Variants in TMTC2 observed in about 807,000 individuals in gnomAD.
TMTC2 encodes transmembrane O-mannosyltransferase targeting cadherins 2.
In TMTC2, 43 loss-of-function variants were observed where a neutral mutation model predicts 82.4. That is an observed-to-expected ratio of 0.52 (90% CI 0.41 to 0.67). TMTC2 has a LOEUF of 0.67. Among genes scored for constraint, TMTC2 ranks in the 30% least tolerant of loss-of-function variants. The pLI is 0.00. For missense variants in TMTC2, 919 were observed against 1,012.4 expected (o/e 0.91, Z 1.25); for synonymous variants, 408 against 381.9 (o/e 1.07, Z -0.80).
chr12:82,807,737 G>A (rs1479613784), intron 1 of TMTC2, among the ~76,000 whole-genome samples: 1 of 152,054 alleles, frequency 6.6e-6, no homozygotes, highest in Non-Finnish European at 1.5e-5. Flanking sequence ...TTCTGGGATA[G>A]CATAAGTAGA....
At chr12:83,029,607 T>C (rs144513050) in intron 8 of TMTC2, among the ~76,000 whole-genome samples, 4,032 of 152,260 alleles carry the variant, frequency 0.026, 82 homozygotes, top group Non-Finnish European at 0.039. Context: ...TACCATGGTC[T>C]GTGGCTTTGG....
At chr12:82,701,573 G>T in intron 1 of TMTC2, among the ~76,000 whole-genome samples, 1 of 136,574 alleles carries the variant, frequency 7.3e-6, no homozygotes, top group Admixed American at 7.9e-5. Flanking sequence ...CCAACATGGA[G>T]AAACCCCGTC....
chr12:82,998,716 C>T (rs1879784635), intron 8 of TMTC2, among the ~76,000 whole-genome samples: 1 of 151,862 alleles, frequency 6.6e-6, no homozygotes, highest in African/African-American at 2.4e-5. Flanking sequence ...ATGCTCTCAC[C>T]CTCCACATTT....
At chr12:82,750,651 T>G (rs904864194) in intron 1 of TMTC2, among the ~76,000 whole-genome samples, 1 of 152,172 alleles carries the variant, frequency 6.6e-6, no homozygotes, top group Admixed American at 6.5e-5. Flanking sequence ...TGAGATATTA[T>G]TATTAATCCT....
At chr12:82,931,933 C>T (rs1484385820) in intron 4 of TMTC2, among the ~76,000 whole-genome samples, 1 of 152,048 alleles carries the variant, frequency 6.6e-6, no homozygotes, top group Non-Finnish European at 1.5e-5. Context: ...CTTCCATTGA[C>T]AGCACCTCCA....
At chr12:83,070,987 TA>T (rs1267682112) in intron 11 of TMTC2, among the ~76,000 whole-genome samples, 1 of 152,212 alleles carries the variant, frequency 6.6e-6, no homozygotes, top group East Asian at 1.9e-4. Flanking sequence ...TGTGGTGTAT[TA>T]CATTTATTGA....
chr12:82,875,010 A>G (rs1872407905), intron 2 of TMTC2, among the ~76,000 whole-genome samples: 1 of 152,158 alleles, frequency 6.6e-6, no homozygotes, highest in Admixed American at 6.6e-5. Context: ...TTCTCTGTAA[A>G]GGCCAGATAG....
At chr12:82,948,361 C>T (rs1020828145) in intron 4 of TMTC2, among the ~76,000 whole-genome samples, 5 of 98,990 alleles carry the variant, frequency 5.1e-5, no homozygotes, top group African/African-American at 2.1e-4. Flanking sequence ...GGAAACCCTA[C>T]CTTAATTTAA....
At chr12:82,885,465 G>C (rs1873047826) in intron 2 of TMTC2, among the ~76,000 whole-genome samples, 1 of 151,486 alleles carries the variant, frequency 6.6e-6, no homozygotes, top group African/African-American at 2.4e-5. Context: ...GATTTCCTGG[G>C]CTCAAGCAAT....
At chr12:82,811,734 C>A (rs1565760745) in intron 1 of TMTC2, among the ~76,000 whole-genome samples, 1 of 150,990 alleles carries the variant, frequency 6.6e-6, no homozygotes, top group Non-Finnish European at 1.5e-5. Flanking sequence ...ATATTAGATC[C>A]CTGCTTATAG....
At position 82,687,481 on chromosome 12, in the gene TMTC2, A is replaced by G; in HGVS notation, c.-106A>G. 2 of 1,092,680 alleles carry G rather than the reference A, an allele frequency of 1.8e-6. No homozygotes were observed. Among genetic ancestry groups the G allele is most frequent in the Non-Finnish European group, 2.7e-6 (2 of 746,540 alleles). The allele number at this position is 1,092,680 out of a possible 1,614,324, so 67.7% of individuals were successfully genotyped here. A position where few individuals can be genotyped will look rare whatever the true frequency, so the allele number is the denominator to read the frequency against. On this transcript the variant is annotated 5_prime_UTR_variant, in exon 1 of 12. Transcript: ENST00000321196. Reference sequence around the variant, plus strand: ...AGGGTGGGGAAGCGAGGGAAAAGTGAAGCTGGGAGGAGAAGGCGGCGGAAG... The same window carrying G: ...AGGGTGGGGAAGCGAGGGAAAAGTGGAGCTGGGAGGAGAAGGCGGCGGAAG...
intron 8 of TMTC2, among the ~76,000 whole-genome samples, chr12:83,028,198 G>A (rs997107480): frequency 7.2e-5 from 11 of 151,998 alleles, no homozygotes; most frequent in Non-Finnish European, 1.5e-4. Flanking sequence ...ATGTGTGTGT[G>A]TATATACATA....
intron 8 of TMTC2, among the ~76,000 whole-genome samples, chr12:83,000,395 A>G (rs571565859): frequency 3.3e-5 from 5 of 152,110 alleles, no homozygotes; most frequent in Non-Finnish European, 5.9e-5. Flanking sequence ...CAGCCTCCCA[A>G]AGTGCTGGGA....
chr12:83,014,239 C>T lies in TMTC2; in HGVS notation c.2071-16559C>T, dbSNP rs185715749. ...GTGTAGAGGCTCCATCTCCTCTCAC[C>T]GTAACCTCTGCCTTCTGCACTCAAG... On this transcript the variant is annotated intron_variant, in intron 8 of 11. Transcript: ENST00000321196. 3.5e-3 allele frequency among the ~76,000 whole-genome samples: 533 copies of T among 152,268 alleles called. 10 individuals carry two copies. Among genetic ancestry groups the T allele is most frequent in the Admixed American group, 3.1e-3 (47 of 15,300 alleles).
chr12:82,930,770 T>G (rs1197842964), intron 4 of TMTC2, among the ~76,000 whole-genome samples: 1 of 152,218 alleles, frequency 6.6e-6, no homozygotes, highest in African/African-American at 2.4e-5. Flanking sequence ...CTGAATTTTT[T>G]GGAAGTAGTA....
rs536168163 is a variant in TMTC2 at position 82,965,618 on chromosome 12, A to C, written c.1743A>C (p.Arg581=). 7.4e-6 allele frequency: 12 copies of C among 1,613,842 alleles called. No homozygotes were observed. The African/African-American group carries it at 1.6e-4, about 22-fold the overall frequency. Residue 581 remains arginine (R), a synonymous_variant, in exon 6 of 12, where the codon CGA becomes CGC. Transcript: ENST00000321196. ...ACCAAGGAAGGACGGAAGAAGCCCG[A>C]CGGACATTCTTAAAGTGTTCGGAGA... ...LMNQGRTEEA[R]RTFLKCSEIP...
chr12:82,739,313 A>G (rs1157942584), intron 1 of TMTC2, among the ~76,000 whole-genome samples: 1 of 152,166 alleles, frequency 6.6e-6, no homozygotes, highest in African/African-American at 2.4e-5. Flanking sequence ...TAACCTGTAT[A>G]AGAGCTCAGA....
intron 1 of TMTC2, among the ~76,000 whole-genome samples, chr12:82,839,341 G>C (rs1329762707): frequency 6.6e-6 from 1 of 152,146 alleles, no homozygotes; most frequent in East Asian, 1.9e-4. Flanking sequence ...TCTGAGTAGA[G>C]TGACCATAGT....
At chr12:83,044,514 A>G (rs11832789) in intron 9 of TMTC2, among the ~76,000 whole-genome samples, 9,035 of 152,184 alleles carry the variant, frequency 0.059, 312 homozygotes, top group East Asian at 0.084. Context: ...GATCACTCAG[A>G]CTGCCGTTTT....
Sources: gnomAD v4.1 joint callset for allele counts (sites outside exome capture counted in the v4.1 genomes callset) on GRCh38, gnomAD v4.1.1 for gene constraint, MANE v1.5 for transcripts, NCBI Gene and HGNC (gene_info 2026-07-23, HGNC 2026-07-21) for gene names.